Variants in CDKL5 observed in about 807,000 individuals in gnomAD.
CDKL5 encodes the protein cyclin-dependent kinase-like 5.
Under a neutral mutation model 61.7 loss-of-function variants are expected in CDKL5, and 8 were observed. That is an observed-to-expected ratio of 0.13 (90% CI 0.08 to 0.23). The LOEUF is 0.23. Among genes scored for constraint, CDKL5 ranks in the 10% least tolerant of loss-of-function variants. CDKL5 has a pLI of 1.00. For synonymous variants in CDKL5, 275 were observed against 272.3 expected, an observed-to-expected ratio of 1.01 and a Z score of -0.10; for missense variants, 440 against 734.5, an observed-to-expected ratio of 0.60 and a Z score of 4.63.
rs184486145 is a variant in CDKL5 at position 18,618,846 on chromosome X, A to G, written c.2277-1021A>G. Among the ~76,000 whole-genome samples, 177 of 110,689 alleles carry G rather than the reference A, an allele frequency of 1.6e-3. 1 individual carries two copies. Among genetic ancestry groups the G allele is most frequent in the Admixed American group, 0.012 (126 of 10,320 alleles). The stretch of plus-strand genomic sequence containing the variant: ...TATCCAGGCCTGGTGGTGCATGCCT[A>G]TAATTTCAGCTACTTGGGAGGCTGA... On this transcript the variant is annotated intron_variant, in intron 15 of 17. Coordinates refer to ENST00000623535, the MANE Select transcript of CDKL5 (RefSeq NM_001323289.2).
At chrX:18,477,628 G>T (rs1359765520) in intron 1 of CDKL5, among the ~76,000 whole-genome samples, 1 of 109,502 alleles carries the variant, frequency 9.1e-6, no homozygotes, top group Non-Finnish European at 1.9e-5. Context: ...TCTTAGTGTT[G>T]CTCTAGGACT....
At chrX:18,456,331 C>T (rs1439780853) in intron 1 of CDKL5, among the ~76,000 whole-genome samples, 1 of 111,448 alleles carries the variant, frequency 9.0e-6, no homozygotes, top group African/African-American at 3.3e-5. Context: ...AGCCACCGCG[C>T]CCGCCCGTCA....
chrX:18,484,537 C>A (rs1018040609), intron 1 of CDKL5, among the ~76,000 whole-genome samples: 1 of 110,057 alleles, frequency 9.1e-6, no homozygotes, highest in Admixed American at 9.7e-5. Flanking sequence ...AGGCTGGTCT[C>A]GAATTCCTGA....
chrX:18,547,485 G>A (rs1000698182), intron 3 of CDKL5, among the ~76,000 whole-genome samples: 2 of 112,348 alleles, frequency 1.8e-5, no homozygotes, highest in Admixed American at 1.9e-4. Flanking sequence ...TAACTAGAGT[G>A]CTTCAGTGAT....
intron 1 of CDKL5, among the ~76,000 whole-genome samples, chrX:18,462,196 C>T (rs1403817881): frequency 9.1e-6 from 1 of 110,413 alleles, no homozygotes; most frequent in Non-Finnish European, 1.9e-5. Context: ...TTCGACACCC[C>T]TGCTGTAAAG....
chrX:18,626,696 CTCTCTCTCTCTCTCTCTCTCTCTCTCT>C (rs1927058631), intron 17 of CDKL5: 1 of 43,633 alleles, frequency 2.3e-5, no homozygotes, highest in African/African-American at 8.6e-5. Flanking sequence ...CTCTCTCTCT[CTCTCTCTCTCTCTCTCTCTCTCTCTCT>C]CCCCCCTCTC....
intron 3 of CDKL5, among the ~76,000 whole-genome samples, chrX:18,551,210 A>G (rs752837934): frequency 2.1e-4 from 23 of 111,396 alleles, no homozygotes; most frequent in Non-Finnish European, 3.8e-4. Flanking sequence ...TAGTAAATTT[A>G]TATTAGTCCT....
At chrX:18,564,436 C>T (rs1427174053) in intron 3 of CDKL5, 41 bp from the exon 4 acceptor site, 1 of 1,046,341 alleles carries the variant, frequency 9.6e-7, no homozygotes, top group Non-Finnish European at 1.3e-6. Context: ...GTCGGAAAAA[C>T]ACTGGAGAAT....
chrX:18,613,633 C>G (rs948224557), intron 15 of CDKL5, among the ~76,000 whole-genome samples: 6 of 111,670 alleles, frequency 5.4e-5, no homozygotes, highest in African/African-American at 2.0e-4. Context: ...TTCTCATAGT[C>G]ACACTGTGCT....
At chrX:18,576,746 T>C (rs1339322440) in intron 5 of CDKL5, among the ~76,000 whole-genome samples, 2 of 110,950 alleles carry the variant, frequency 1.8e-5, no homozygotes, top group African/African-American at 6.6e-5. Context: ...TTAAGTTTCT[T>C]TTTCTGTGTC....
chrX:18,645,689 G>A (rs1602311409), intron 19 of CDKL5, among the ~76,000 whole-genome samples: 1 of 111,133 alleles, frequency 9.0e-6, no homozygotes, highest in East Asian at 2.8e-4. Context: ...GGCCCCACAG[G>A]AACCAGAGAA....
intron 3 of CDKL5, among the ~76,000 whole-genome samples, chrX:18,522,855 G>T (rs1923304054): frequency 1.0e-5 from 1 of 95,726 alleles, no homozygotes; most frequent in Non-Finnish European, 2.1e-5. Flanking sequence ...TAGTGCAGTA[G>T]TGTGATCTCG....
intron 1 of CDKL5, among the ~76,000 whole-genome samples, chrX:18,442,823 T>C (rs1382420842): frequency 8.9e-6 from 1 of 112,233 alleles, no homozygotes; most frequent in Non-Finnish European, 1.9e-5. Flanking sequence ...AGTCTTGAAT[T>C]TGAAATTAGT....
At chrX:18,492,165 G>T (rs1922016471) in intron 1 of CDKL5, among the ~76,000 whole-genome samples, 2 of 110,910 alleles carry the variant, frequency 1.8e-5, no homozygotes, top group Admixed American at 9.6e-5. Flanking sequence ...GTTATTTTTG[G>T]TTTTTGCTAA....
At chrX:18,467,400 GTTC>G (rs1307559179) in intron 1 of CDKL5, among the ~76,000 whole-genome samples, 1 of 111,667 alleles carries the variant, frequency 9.0e-6, no homozygotes, top group African/African-American at 3.3e-5. Context: ...AGTGGGATCA[GTTC>G]TTCTTTCTAG....
At chrX:18,454,413 CTTT>C (rs1414953671) in intron 1 of CDKL5, among the ~76,000 whole-genome samples, 9 of 107,096 alleles carry the variant, frequency 8.4e-5, no homozygotes. Context: ...ATTTTTGTAT[CTTT>C]AGTAGAGACA....
intron 3 of CDKL5, among the ~76,000 whole-genome samples, chrX:18,561,745 A>G (rs1237379276): frequency 3.6e-5 from 4 of 111,101 alleles, no homozygotes; most frequent in Non-Finnish European, 5.7e-5. Context: ...TATTGGGAAA[A>G]TTGATTTAGT....
chrX:18,433,553 TAAAA>T (rs942522165), intron 1 of CDKL5, among the ~76,000 whole-genome samples: 1 of 108,630 alleles, frequency 9.2e-6, no homozygotes, highest in African/African-American at 3.3e-5. Flanking sequence ...TCCGTTTAAA[TAAAA>T]AAAAAAATTT....
At chrX:18,512,826 A>G (rs1271836039) in intron 3 of CDKL5, among the ~76,000 whole-genome samples, 2 of 111,436 alleles carry the variant, frequency 1.8e-5, no homozygotes, top group Non-Finnish European at 3.8e-5. Flanking sequence ...AAGCTTAAAA[A>G]AAATTCCTGG....
Sources: allele counts gnomAD v4.1 joint callset (sites outside exome capture counted in the v4.1 genomes callset), GRCh38; gene constraint gnomAD v4.1.1; transcripts MANE v1.5; gene names NCBI Gene and HGNC (gene_info 2026-07-23, HGNC 2026-07-21).